The following DNASE1 variants were observed in gnomAD, a reference collection of about 807,000 sequenced individuals.
DNASE1 encodes deoxyribonuclease-1.
A neutral mutation model predicts 33.9 loss-of-function variants in DNASE1; 40 were observed. The ratio of observed to expected loss-of-function variants is 1.18; its 90% CI spans 0.92 to 1.54. The LOEUF (loss-of-function observed/expected upper bound fraction) is 1.54, where lower values mean the gene tolerates loss of function less well. DNASE1 is among the 40% of genes most tolerant of loss of function. DNASE1 has a pLI of 0.00. For missense variants in DNASE1, 518 were observed against 372.6 expected (o/e 1.39, Z -3.21); for synonymous variants, 216 against 160.0 (o/e 1.35, Z -2.64).
At chr16:3,655,093 G>A in intron 1 of DNASE1, 49 bp downstream of exon 1, 1 of 591,786 alleles carries the variant, frequency 1.7e-6, no homozygotes, top group Non-Finnish European at 3.0e-6. Flanking sequence ...TTTGGAGCAG[G>A]GAGGGAGGCT....
chr16:3,636,721 G>A (rs1356551825), intron 1 of DNASE1, among the ~76,000 whole-genome samples: 4 of 152,206 alleles, frequency 2.6e-5, no homozygotes, highest in African/African-American at 4.8e-5. Context: ...TCAGGAGGCT[G>A]AGGCACGAGA....
At chr16:3,649,460 T>C (rs947712434) in intron 1 of DNASE1, among the ~76,000 whole-genome samples, 2 of 152,246 alleles carry the variant, frequency 1.3e-5, no homozygotes, top group African/African-American at 4.8e-5. Context: ...CACAGTGATA[T>C]GTTTAATCTG....
chr16:3,664,429 A>T (rs2050778405), exon 10 of DNASE1: 1 of 1,612,072 alleles, frequency 6.2e-7, no homozygotes, highest in Non-Finnish European at 8.5e-7. Context: ...AGCGCCGAGG[A>T]CTCGTAGCGC....
intron 1 of DNASE1, among the ~76,000 whole-genome samples, chr16:3,614,036 C>G (rs1280782132): frequency 1.3e-5 from 2 of 151,740 alleles, no homozygotes; most frequent in Non-Finnish European, 2.9e-5. Flanking sequence ...CCGCAGTCTC[C>G]CGAATACCTG....
At chr16:3,625,160 G>C (rs1224496893) in intron 1 of DNASE1, among the ~76,000 whole-genome samples, 1 of 152,112 alleles carries the variant, frequency 6.6e-6, no homozygotes, top group African/African-American at 2.4e-5. Context: ...ACAAAAGTTA[G>C]CCAGGTGTGG....
chr16:3,658,991 G>A (rs958815544), downstream of DNASE1: 5 of 878,054 alleles, frequency 5.7e-6, no homozygotes, highest in African/African-American at 5.0e-5. Flanking sequence ...TTTAAATAAG[G>A]TATGTTAATG....
At chr16:3,625,665 G>T (rs1422972640) in intron 1 of DNASE1, among the ~76,000 whole-genome samples, 3 of 151,740 alleles carry the variant, frequency 2.0e-5, no homozygotes, top group Non-Finnish European at 4.4e-5. Context: ...TAGAATAAAG[G>T]TGCTAAAAAA....
chr16:3,639,339 C>G (rs1244531082), upstream of DNASE1, among the ~76,000 whole-genome samples: 1 of 152,206 alleles, frequency 6.6e-6, no homozygotes, highest in African/African-American at 2.4e-5. Context: ...AGCTTTCAGG[C>G]AGGTCCCATA....
rs56670885 is a variant in DNASE1 at position 3,617,326 on chromosome 16, C to CAAAAAAA, written c.-1359+5341_-1359+5347dup. Reference sequence around the variant, plus strand: ...AGTCAACAAGAGCGAAACTCCATCTCAAAAAAAAAAAAAAAAAAAAAAAAA... The same window carrying CAAAAAAA: ...AGTCAACAAGAGCGAAACTCCATCTCAAAAAAAAAAAAAAAAAAAAAAAAAAAAAAAA... On this transcript the variant is annotated intron_variant and NMD_transcript_variant, in intron 1 of 11. Transcript: ENST00000570769. Among the ~76,000 whole-genome samples the CAAAAAAA allele has an allele frequency of 1.7e-3, 100 of 57,708 alleles. 2 individuals are homozygous for CAAAAAAA. The highest frequency in any genetic ancestry group is 9.4e-3 in the Middle Eastern group (1 of 106). The allele number at this position is 57,708 out of a possible 152,430, so 37.9% of individuals were successfully genotyped here.
chr16:3,644,060 AAT>A, intron 1 of DNASE1, among the ~76,000 whole-genome samples: 1 of 152,344 alleles, frequency 6.6e-6, no homozygotes, highest in East Asian at 1.9e-4. Flanking sequence ...TATTTTAAAT[AAT>A]AGAGATAAGA....
chr16:3,650,752 G>A (rs1474449914), upstream of DNASE1: 1 of 152,142 alleles, frequency 6.6e-6, no homozygotes, highest in Non-Finnish European at 1.5e-5. Flanking sequence ...CATGTTATTT[G>A]TTTAGTCATG....
At chr16:3,646,158 A>G (rs553357400) in intron 1 of DNASE1, among the ~76,000 whole-genome samples, 61 of 152,104 alleles carry the variant, frequency 4.0e-4, no homozygotes, top group Non-Finnish European at 7.5e-4. Context: ...AGAGTGTCCA[A>G]GTGCCACCTG....
upstream of DNASE1, among the ~76,000 whole-genome samples, chr16:3,640,090 C>T (rs1047265804): frequency 1.3e-5 from 2 of 152,194 alleles, no homozygotes; most frequent in Non-Finnish European, 2.9e-5. Context: ...TGGCCTTCTG[C>T]GGAGTCTACC....
chr16:3,664,204 AGAGCT>A, exon 10 of DNASE1: 1 of 1,434,982 alleles, frequency 7.0e-7, no homozygotes, highest in Admixed American at 2.8e-5. Flanking sequence ...CACCCAGCAC[AGAGCT>A]GAGAAGGTCA....
At chr16:3,622,617 A>T (rs1350575329) in intron 1 of DNASE1, among the ~76,000 whole-genome samples, 1 of 152,148 alleles carries the variant, frequency 6.6e-6, no homozygotes. Context: ...TTGACTTAAA[A>T]AAATTTTTTT....
chr16:3,661,922 A>C, downstream of DNASE1: 5 of 1,510,030 alleles, frequency 3.3e-6, no homozygotes, highest in Non-Finnish European at 4.4e-6. Flanking sequence ...TCCACAACAA[A>C]AGAACACCAC....
chr16:3,621,549 A>T (rs1318883617), intron 1 of DNASE1, among the ~76,000 whole-genome samples: 1 of 152,154 alleles, frequency 6.6e-6, no homozygotes, highest in Non-Finnish European at 1.5e-5. Flanking sequence ...ACAAATATAA[A>T]TATATATCCC....
rs774395305 is a variant in DNASE1 at position 3,663,393 on chromosome 16, G to T, written c.*5440G>T. 1.5e-5 allele frequency: 24 copies of T among 1,612,810 alleles called. No homozygotes were observed. The Admixed American group carries it at 3.2e-4, about 21-fold the overall frequency. On this transcript the variant is annotated 3_prime_UTR_variant, in exon 10 of 10. Transcript: ENST00000407479. ...AGAGGCGTGCGGGGAGTGGAAACCAGCCCCACGCCTAGAGAGCAGGGGATG... is the reference window on the plus strand; with the variant it reads ...AGAGGCGTGCGGGGAGTGGAAACCATCCCCACGCCTAGAGAGCAGGGGATG...
chr16:3,655,290 C>T (rs2042526348), intron 1 of DNASE1, 83 bp from the exon 2 acceptor site: 12 of 1,587,380 alleles, frequency 7.6e-6, no homozygotes, highest in South Asian at 1.1e-5. Flanking sequence ...CAGCCCCTGC[C>T]AGCTGGGCTC....
Sources: allele counts gnomAD v4.1 joint callset (sites outside exome capture counted in the v4.1 genomes callset), GRCh38; gene constraint gnomAD v4.1.1; transcripts MANE v1.5; gene names NCBI Gene and HGNC (gene_info 2026-07-23, HGNC 2026-07-21).